TH: variants seen among roughly 807,000 people sequenced by gnomAD.
TH encodes tyrosine hydroxylase, also known as tyrosine 3-monooxygenase.
TH carries 49 observed loss-of-function variants against 57.4 expected under a neutral mutation model. The observed-to-expected ratio is 0.85, with a 90% CI of 0.68 to 1.08. TH has a LOEUF of 1.08. Ranked by LOEUF, TH falls within the 50% of genes least tolerant of loss-of-function variation. The pLI, the probability that TH is intolerant of heterozygous loss-of-function variation, is 0.00. For synonymous variants in TH, 330 were observed against 304.5 expected (o/e 1.08, Z -0.87); for missense variants, 720 against 696.7 (o/e 1.03, Z -0.38).
chr11:2,168,547 A>G lies in TH; in HGVS notation c.431T>C (p.Leu144Pro). 6.2e-7 allele frequency: 1 copy of G among 1,612,006 alleles called. No individual in the cohort carries two copies. Among genetic ancestry groups the G allele is most frequent in the Non-Finnish European group, 8.5e-7 (1 of 1,179,726 alleles). ...LEVRRGDLAA[L>P]LSGVRQVSED... is the part of the protein sequence containing the mutation. ...TGACACCTGGCGCACACCACTGAGC[A>G]GGGCGGCCAGGTCCCCTCGGCGCAC... The change falls in exon 3 of 13, where the codon CTG becomes CCG. Residue 144 changes from leucine to proline, a missense_variant. Transcript: ENST00000352909.
rs2133689255 is a variant in TH, at chr11:2,165,348, C to T, written c.1218G>A (p.Glu406=). 1 of 1,611,498 alleles carries T rather than the reference C, an allele frequency of 6.2e-7. No individual in the cohort carries two copies. The highest frequency in any genetic ancestry group is 1.1e-5 in the South Asian group (1 of 91,084). The change falls in exon 12 of 13, where the codon GAG becomes GAA. Residue 406 remains glutamate, a synonymous_variant. Transcript: ENST00000352909. ...YGELLHCLSE[E]PEIRAFDPEA... ...CAGGGTCGAAGGCCCGAATCTCAGG[C>T]TCCTCAGACAGGCAGTGCTGGCAGG...
Position 2,171,602 on chromosome 11 carries a change from G to T in TH, c.90+95C>A. On this transcript the variant is annotated intron_variant, in intron 1 of 12. Coordinates refer to ENST00000352909, the MANE Select transcript of TH (RefSeq NM_000360.4). The surrounding 1 kb of genome is among the most constrained non-coding windows in gnomAD (Gnocchi z 8.6). ...GGGGTTTGCATGGACCCTGAGCCTGGGGCTGCCAGCCAGGCTGGGGAGTAG... is the reference window on the plus strand; with the variant it reads ...GGGGTTTGCATGGACCCTGAGCCTGTGGCTGCCAGCCAGGCTGGGGAGTAG... 3 of 1,404,938 alleles carry T rather than the reference G, an allele frequency of 2.1e-6. No homozygotes were observed. In the Admixed American group the frequency reaches 5.3e-5, roughly 25 times the overall value. The allele number at this position is 1,404,938 out of a possible 1,614,324, so 87.0% of individuals were successfully genotyped here.
At chr11:2,167,624 C>T (rs1846135422) in intron 5 of TH, 139 bp from the exon 6 acceptor site, 1 of 1,174,990 alleles carries the variant, frequency 8.5e-7, no homozygotes, top group Non-Finnish European at 1.2e-6. Flanking sequence ...CAGGAGGGTG[C>T]ACCCCAGCTG....
chr11:2,170,812 T>A lies in TH; in HGVS notation c.90+885A>T. On this transcript the variant is annotated intron_variant, in intron 1 of 12. Transcript: ENST00000352909. The surrounding 1 kb of genome is among the most constrained non-coding windows in gnomAD (Gnocchi z 6.0). Reference sequence around the variant, plus strand: ...TGATGGGGAGCCTGGTGGGGGAGGGTAGGGGAGGGCGGGGGAGGACGGGGG... The same window carrying A: ...TGATGGGGAGCCTGGTGGGGGAGGGAAGGGGAGGGCGGGGGAGGACGGGGG... 5.9e-5 allele frequency: 1 copy of A among 16,958 alleles called. No homozygotes were observed. The highest frequency in any genetic ancestry group is 1.0e-4 in the Non-Finnish European group (1 of 9,958). 1.1% of individuals were successfully genotyped at this position (16,958 alleles called of 1,614,324 possible).
rs766191586 is a variant in TH at position 2,164,229 on chromosome 11, G to C, written c.*4C>G. 4 of 1,453,282 alleles carry C rather than the reference G, an allele frequency of 2.8e-6. No homozygotes were observed. The highest frequency in any genetic ancestry group is 1.8e-6 in the Non-Finnish European group (2 of 1,098,702). 90.0% of individuals were successfully genotyped at this position (1,453,282 alleles called of 1,614,324 possible). On this transcript the variant is annotated 3_prime_UTR_variant, in exon 13 of 13. Coordinates refer to ENST00000352909, the MANE Select transcript of TH (RefSeq NM_000360.4). The stretch of plus-strand genomic sequence containing the variant: ...TGGGAAGGGCCCTCAGGGACGCCGT[G>C]CACCTAGCCAATGGCACTCAGCGCA...
rs921646615 is a variant in TH at position 2,170,730 on chromosome 11, C to A, written c.91-859G>T. On this transcript the variant is annotated intron_variant, in intron 1 of 12. Coordinates refer to ENST00000352909, the MANE Select transcript of TH (RefSeq NM_000360.4). The surrounding 1 kb of genome is among the most constrained non-coding windows in gnomAD (Gnocchi z 6.0). ...GTAGGATGCAGCTGGGGCTGCAGTT[C>A]CAGGCCACGGAGAGCCTGTGAGGCT... 6.2e-7 allele frequency: 1 copy of A among 1,602,988 alleles called. No individual in the cohort carries two copies. The highest frequency in any genetic ancestry group is 2.2e-5 in the East Asian group (1 of 44,508).
At chr11:2,168,869 G>C in intron 2 of TH, 1 of 683,636 alleles carries the variant, frequency 1.5e-6, no homozygotes, top group Non-Finnish European at 2.5e-6. Flanking sequence ...TGGCAAGTTG[G>C]ATTTTGTGTT....
Position 2,169,722 on chromosome 11 carries a change from G to A in TH, c.240C>T (p.Ala80=), listed in dbSNP as rs371658705. ...TCGGGGAGAAGAGCAGGTTTAGCAC[G>A]GCCTTCCCCTCCTTCTCCTCAAAGG... ...AVAFEEKEGK[A]VLNLLFSPRA... The change falls in exon 2 of 13, where the codon GCC becomes GCT. Residue 80 remains alanine, a synonymous_variant. Coordinates refer to ENST00000352909, the MANE Select transcript of TH (RefSeq NM_000360.4). The A allele has an allele frequency of 2.9e-5, 46 of 1,612,994 alleles. No homozygotes were observed. Among genetic ancestry groups the A allele is most frequent in the African/African-American group, 1.9e-4 (14 of 74,922 alleles).
rs1412274268 is a variant in TH at position 2,164,196 on chromosome 11, G to C, written c.*37C>G. 1 of 1,427,208 alleles carries C rather than the reference G, an allele frequency of 7.0e-7. No homozygotes were observed. Among genetic ancestry groups the C allele is most frequent in the Non-Finnish European group, 9.2e-7 (1 of 1,087,078 alleles). 88.4% of individuals were successfully genotyped at this position (1,427,208 alleles called of 1,614,324 possible). Reference sequence around the variant, plus strand: ...TGAGCTCCGGGACAGTGCAGGACCAGGGGAGGTTGGGAAGGGCCCTCAGGG... The same window carrying C: ...TGAGCTCCGGGACAGTGCAGGACCACGGGAGGTTGGGAAGGGCCCTCAGGG... On this transcript the variant is annotated 3_prime_UTR_variant, in exon 13 of 13. Transcript: ENST00000352909.
intron 10 of TH, 52 bp from the exon 11 acceptor site, chr11:2,165,815 C>CA: frequency 6.3e-7 from 1 of 1,582,282 alleles, no homozygotes; most frequent in Non-Finnish European, 8.6e-7. Context: ...GCCCACCGGG[C>CA]AGCCCCTGGT....
In TH at chr11:2,169,698, C is replaced by A; in HGVS notation, c.264G>T (p.Pro88=). Residue 88 remains proline (P), a synonymous_variant, in exon 2 of 13, where the codon CCG becomes CCT. Coordinates refer to ENST00000352909, the MANE Select transcript of TH (RefSeq NM_000360.4). ...ACAGCGCCGAGGGCTTGGTGGCCCT[C>A]GGGGAGAAGAGCAGGTTTAGCACGG... ...GKAVLNLLFS[P]RATKPSALSR... 6.2e-7 allele frequency: 1 copy of A among 1,613,388 alleles called. No individual in the cohort carries two copies. The highest frequency in any genetic ancestry group is 8.5e-7 in the Non-Finnish European group (1 of 1,179,926).
rs1358370558 is a variant in TH at position 2,166,268 on chromosome 11, C to T, written c.1048-210G>A. ...ACCACATTCCTAAGCCCGTGGGCGC[C>T]GTTCCCAGGTAGCCGGCAGGTGGCA... On this transcript the variant is annotated intron_variant, in intron 9 of 12. Coordinates refer to ENST00000352909, the MANE Select transcript of TH (RefSeq NM_000360.4). 4 of 871,678 alleles carry T rather than the reference C, an allele frequency of 4.6e-6. No individual in the cohort carries two copies. The East Asian group carries it at 8.0e-5, about 17-fold the overall frequency. 54.0% of individuals were successfully genotyped at this position (871,678 alleles called of 1,614,324 possible).
rs767073122 is a variant in TH, at chr11:2,165,286, TACG to T, written c.1277_1279del (p.Thr426_Tyr427delinsAsn). The T allele has an allele frequency of 1.9e-6, 3 of 1,612,890 alleles. No individual in the cohort carries two copies. In the Admixed American group the frequency reaches 5.0e-5, roughly 27 times the overall value. On this transcript the variant is annotated inframe_deletion, in exon 12 of 13. Coordinates refer to ENST00000352909, the MANE Select transcript of TH (RefSeq NM_000360.4). ...CTCAGACACGAAGTAGACTGACTGGTACGTCTGGTCTTGGTAGGGCTGCACGGC... is the reference window on the plus strand; with the variant it reads ...CTCAGACACGAAGTAGACTGACTGGTTCTGGTCTTGGTAGGGCTGCACGGC...
chr11:2,168,362 G>A (rs1241864646), intron 3 of TH, 129 bp downstream of exon 3: 9 of 1,406,072 alleles, frequency 6.4e-6, no homozygotes, highest in Non-Finnish European at 7.9e-6. Context: ...AACGGGGTGC[G>A]GAGTGGAGCC....
chr11:2,171,673 C>T lies in TH; in HGVS notation c.90+24G>A. 1 of 1,608,818 alleles carries T rather than the reference C, an allele frequency of 6.2e-7. No individual in the cohort carries two copies. Among genetic ancestry groups the T allele is most frequent in the Non-Finnish European group, 8.5e-7 (1 of 1,179,264 alleles). ...CCTGGGCTCCGGTCCACTGCGGCCG[C>T]CGGGCACCTACCTGCCCTCTTACCA... On this transcript the variant is annotated intron_variant, in intron 1 of 12. Transcript: ENST00000352909. The surrounding 1 kb of genome is among the most constrained non-coding windows in gnomAD (Gnocchi z 8.6).
intron 9 of TH, 90 bp from the exon 10 acceptor site, chr11:2,166,148 G>C (rs1846083655): frequency 7.1e-7 from 1 of 1,410,192 alleles, no homozygotes; most frequent in Non-Finnish European, 9.8e-7. Context: ...GCCCCTCCAG[G>C]GGTCTCTGGG....
intron 12 of TH, 46 bp from the exon 13 acceptor site, chr11:2,164,438 C>T: frequency 6.5e-7 from 1 of 1,546,852 alleles, no homozygotes; most frequent in South Asian, 1.2e-5. Flanking sequence ...CGGGCAGAGT[C>T]TGCAGCCTCC....
chr11:2,166,591 G>T (rs1420216485), intron 8 of TH, 42 bp from the exon 9 acceptor site: 15 of 1,586,006 alleles, frequency 9.5e-6, no homozygotes, highest in Non-Finnish European at 1.3e-5. Flanking sequence ...GCCGCCCGTC[G>T]CACCCCCCAC....
intron 3 of TH, 111 bp from the exon 4 acceptor site, chr11:2,168,290 G>A (rs1375132747): frequency 3.6e-6 from 5 of 1,384,576 alleles, no homozygotes; most frequent in South Asian, 3.5e-5. Flanking sequence ...AGGCAGCCGG[G>A]GCTGTGAGAG....
Sources: gnomAD v4.1 joint callset for allele counts on GRCh38, gnomAD v4.1.1 for gene constraint, Gnocchi (gnomAD v3.1) non-coding constraint, MANE v1.5 for transcripts, NCBI Gene and HGNC (gene_info 2026-07-23, HGNC 2026-07-21) for gene names.